The following PTGS1 variants were observed in gnomAD, a reference collection of about 807,000 sequenced individuals.
PTGS1 encodes prostaglandin G/H synthase 1.
PTGS1 carries 40 observed loss-of-function variants against 63.0 expected under a neutral mutation model. That is an observed-to-expected ratio of 0.63 (90% CI 0.49 to 0.83). The LOEUF (loss-of-function observed/expected upper bound fraction) is 0.83, where lower values mean the gene tolerates loss of function less well. Ranked by LOEUF, PTGS1 falls within the 40% of genes least tolerant of loss-of-function variation. The pLI is 0.00. For missense variants in PTGS1, 709 were observed against 786.5 expected, an observed-to-expected ratio of 0.90 and a Z score of 1.18; for synonymous variants, 298 against 301.9, an observed-to-expected ratio of 0.99 and a Z score of 0.13.
intron 10 of PTGS1, among the ~76,000 whole-genome samples, chr9:122,391,480 G>A (rs1838282843): frequency 1.4e-5 from 2 of 144,740 alleles, no homozygotes; most frequent in Admixed American, 1.4e-4. Flanking sequence ...GGGCAGCCAA[G>A]TTTCCAGCCC....
chr9:122,378,069 G>A (rs892253761), intron 3 of PTGS1, 54 bp downstream of exon 3: 17 of 1,513,370 alleles, frequency 1.1e-5, no homozygotes, highest in Admixed American at 1.7e-5. Flanking sequence ...TCTGCTCCCC[G>A]GGCCCTTTCT....
intron 9 of PTGS1, among the ~76,000 whole-genome samples, chr9:122,387,231 G>A (rs995611720): frequency 6.6e-6 from 1 of 151,984 alleles, no homozygotes; most frequent in African/African-American, 2.4e-5. Flanking sequence ...AAGAGGTGGT[G>A]TTAGTGGCAG....
chr9:122,394,115 T>C lies in PTGS1; in HGVS notation c.*1571T>C, dbSNP rs1838444898. 6.6e-6 allele frequency: 1 copy of C among 152,300 alleles called. No individual in the cohort carries two copies. Among genetic ancestry groups the C allele is most frequent in the African/African-American group, 2.4e-5 (1 of 41,440 alleles). 9.4% of individuals were successfully genotyped at this position (152,300 alleles called of 1,614,324 possible). On this transcript the variant is annotated 3_prime_UTR_variant, in exon 11 of 11. Coordinates refer to ENST00000362012, the MANE Select transcript of PTGS1 (RefSeq NM_000962.4). The stretch of plus-strand genomic sequence containing the variant: ...ACCCCCTCTGCTCTGTCCTCCCCTA[T>C]TGCGCTCTCAAGACCAGAGACCCAA...
intron 7 of PTGS1, among the ~76,000 whole-genome samples, chr9:122,382,743 G>A (rs926904421): frequency 5.3e-5 from 8 of 152,162 alleles, no homozygotes; most frequent in African/African-American, 1.7e-4. Context: ...TACTTGGCAT[G>A]TAGTAGTCTC....
rs1838116890 is a variant in PTGS1 at position 122,390,098 on chromosome 9, GA to G, written c.1297-98del. ...GCCCAACACTCTCCATCCTAGCTCA[GA>G]AGGGACTCCCACTGGAAGCTCTTGT... On this transcript the variant is annotated intron_variant, in intron 9 of 10. Coordinates refer to ENST00000362012, the MANE Select transcript of PTGS1 (RefSeq NM_000962.4). 4 of 1,413,290 alleles carry G rather than the reference GA, an allele frequency of 2.8e-6. No homozygotes were observed. In the South Asian group the frequency reaches 5.8e-5, roughly 20 times the overall value. The allele number at this position is 1,413,290 out of a possible 1,614,324, so 87.5% of individuals were successfully genotyped here.
rs202111485 is a variant in PTGS1 at position 122,378,828 on chromosome 9, A to G, written c.406A>G (p.Ile136Val). 1.5e-4 allele frequency: 244 copies of G among 1,614,094 alleles called. No homozygotes were observed. Among genetic ancestry groups the G allele is most frequent in the Non-Finnish European group, 1.9e-4 (224 of 1,180,034 alleles). Residue 136 changes from isoleucine (I) to valine (V), a missense_variant, in exon 5 of 11, where the codon ATC (isoleucine) becomes GTC (valine). Coordinates refer to ENST00000362012, the MANE Select transcript of PTGS1 (RefSeq NM_000962.4). ...PPTYNSAHDYISWESFSNVSY... is the reference protein window; with the variant it reads ...PPTYNSAHDYVSWESFSNVSY... ...CACCTACAACTCAGCACATGACTAC[A>G]TCAGCTGGGAGTCTTTCTCCAACGT...
chr9:122,377,757 C>A, intron 2 of PTGS1, 142 bp from the exon 3 acceptor site: 1 of 701,400 alleles, frequency 1.4e-6, no homozygotes, highest in East Asian at 2.7e-5. Context: ...TTGGGGGAAC[C>A]CTGAAGCCCT....
At chr9:122,386,937 C>T (rs562971006) in intron 9 of PTGS1, among the ~76,000 whole-genome samples, 2 of 152,120 alleles carry the variant, frequency 1.3e-5, no homozygotes, top group African/African-American at 4.8e-5. Context: ...GTAGTGGGAA[C>T]AAGACTTTTG....
intron 9 of PTGS1, among the ~76,000 whole-genome samples, chr9:122,388,375 C>T (rs1239533097): frequency 6.6e-6 from 1 of 152,200 alleles, no homozygotes. Flanking sequence ...AGGGCTTCCC[C>T]TGATAACCAT....
In PTGS1 at chr9:122,391,980, C is replaced by T. The variant is rs540346431; in HGVS notation, c.1445-209C>T. On this transcript the variant is annotated intron_variant, in intron 10 of 10. Coordinates refer to ENST00000362012, the MANE Select transcript of PTGS1 (RefSeq NM_000962.4). ...CATTTTCCTTCCCTAGACCCAGTCC[C>T]TGAGGAGGGGCAATTTGTGCTTTTC... Among the ~76,000 whole-genome samples the T allele has an allele frequency of 3.3e-5, 5 of 152,280 alleles. No individual in the cohort carries two copies. In the East Asian group the frequency reaches 7.7e-4, roughly 24 times the overall value.
intron 2 of PTGS1, among the ~76,000 whole-genome samples, chr9:122,372,022 T>G (rs1187482440): frequency 1.3e-5 from 2 of 152,124 alleles, no homozygotes; most frequent in East Asian, 3.9e-4. Context: ...CCCTCCCCCA[T>G]GCATGTGCCA....
In PTGS1 at chr9:122,378,387, GT is replaced by G. The variant is rs757798752; in HGVS notation, c.212-44del. The G allele has an allele frequency of 3.5e-5, 57 of 1,608,552 alleles. No homozygotes were observed. In the African/African-American group the frequency reaches 7.5e-4, roughly 21 times the overall value. Reference sequence around the variant, plus strand: ...CCATCTTCCACCCTGGCTACTTCTGGTTCTGGTAGGAGGGACCAACTGAGTG... The same window carrying G: ...CCATCTTCCACCCTGGCTACTTCTGGTCTGGTAGGAGGGACCAACTGAGTG... On this transcript the variant is annotated intron_variant, in intron 3 of 10. Transcript: ENST00000362012.
At chr9:122,392,152 G>T (rs1487856158) in intron 10 of PTGS1, 37 bp from the exon 11 acceptor site, 1 of 1,520,958 alleles carries the variant, frequency 6.6e-7, no homozygotes, top group Admixed American at 1.9e-5. Flanking sequence ...ATGGCATCAT[G>T]GATCTGATGC....
intron 10 of PTGS1, among the ~76,000 whole-genome samples, 189 bp downstream of exon 10, chr9:122,390,534 T>C (rs972391695): frequency 6.6e-6 from 1 of 152,116 alleles, no homozygotes; most frequent in Non-Finnish European, 1.5e-5. Context: ...ACTTTTCAGC[T>C]GGGTTTGGAG....
intron 7 of PTGS1, 50 bp downstream of exon 7, chr9:122,381,797 T>C (rs1837545698): frequency 6.4e-7 from 1 of 1,562,938 alleles, no homozygotes; most frequent in Non-Finnish European, 8.8e-7. Flanking sequence ...CCCATGGTCT[T>C]CCCTGGCAAA....
At chr9:122,376,962 G>A (rs1022164712) in intron 2 of PTGS1, among the ~76,000 whole-genome samples, 31 of 152,290 alleles carry the variant, frequency 2.0e-4, no homozygotes, top group Admixed American at 5.2e-4. Flanking sequence ...TCCTTATAGA[G>A]TTTCTCCAGG....
At chr9:122,379,694 T>C (rs569182827) in intron 5 of PTGS1, among the ~76,000 whole-genome samples, 34 of 152,374 alleles carry the variant, frequency 2.2e-4, no homozygotes, top group African/African-American at 7.7e-4. Flanking sequence ...AGCTGAGTCT[T>C]GCCAACTTTG....
At chr9:122,383,895 C>A (rs1168619252) in intron 8 of PTGS1, 140 bp downstream of exon 8, 16 of 1,156,446 alleles carry the variant, frequency 1.4e-5, no homozygotes, top group Non-Finnish European at 1.7e-5. Flanking sequence ...CTTGAGCAGG[C>A]CCCTCAACCT....
Position 122,371,247 on chromosome 9 carries a change from C to G in PTGS1, c.69C>G (p.Leu23=), listed in dbSNP as rs1836783492. The G allele has an allele frequency of 1.2e-6, 2 of 1,606,918 alleles. No individual in the cohort carries two copies. Among genetic ancestry groups the G allele is most frequent in the Non-Finnish European group, 8.5e-7 (1 of 1,179,922 alleles). ...LLLLPPLPVL[L]ADPGAPTPVN... is the part of the protein sequence containing the mutation. ...TGCTCCCGCCGCTCCCCGTCCTGCT[C>G]GCGGACCCAGGGGCGCCCACGCCAG... The change falls in exon 2 of 11, where the codon CTC becomes CTG. Residue 23 remains leucine (L), a synonymous_variant. Coordinates refer to ENST00000362012, the MANE Select transcript of PTGS1 (RefSeq NM_000962.4).
Sources: allele counts gnomAD v4.1 joint callset (sites outside exome capture counted in the v4.1 genomes callset), GRCh38; gene constraint gnomAD v4.1.1; transcripts MANE v1.5; gene names NCBI Gene and HGNC (gene_info 2026-07-23, HGNC 2026-07-21).